The following SGMS1 variants were observed in gnomAD, a reference collection of about 807,000 sequenced individuals.
SGMS1 encodes sphingomyelin synthase 1.
A neutral mutation model predicts 46.2 loss-of-function variants in SGMS1; 13 were observed. That is an observed-to-expected ratio of 0.28 (90% confidence interval 0.18 to 0.45). The LOEUF is 0.45. Among genes scored for constraint, SGMS1 ranks in the 20% least tolerant of loss-of-function variants. The pLI is 1.00. For missense variants in SGMS1, 324 were observed against 519.9 expected (o/e 0.62, Z 3.66); for synonymous variants, 203 against 187.8 (o/e 1.08, Z -0.66).
intron 6 of SGMS1, among the ~76,000 whole-genome samples, chr10:50,367,925 G>T (rs1848373823): frequency 1.3e-5 from 2 of 152,134 alleles, no homozygotes; most frequent in African/African-American, 4.8e-5. Flanking sequence ...TCTAGTTTTG[G>T]ACTAAGGTAA....
intron 5 of SGMS1, among the ~76,000 whole-genome samples, chr10:50,456,545 A>G (rs1837193326): frequency 6.6e-6 from 1 of 152,134 alleles, no homozygotes. Flanking sequence ...GCTGTAATCA[A>G]CTTCTCAGTT....
rs543667622 is a variant in SGMS1 at position 50,371,063 on chromosome 10, T to C, written c.-231-26718A>G. Among the ~76,000 whole-genome samples the C allele has an allele frequency of 3.3e-5, 5 of 152,310 alleles. No homozygotes were observed. In the South Asian group the frequency reaches 8.3e-4, roughly 25 times the overall value. On this transcript the variant is annotated intron_variant, in intron 6 of 10. Transcript: ENST00000361781. ...ATTATCAAGTGTTATGTAAGGTACATAATTATATATGCTATGCTTTTATAC... is the reference window on the plus strand; with the variant it reads ...ATTATCAAGTGTTATGTAAGGTACACAATTATATATGCTATGCTTTTATAC...
intron 2 of SGMS1, among the ~76,000 whole-genome samples, chr10:50,568,265 A>G (rs1244304397): frequency 6.6e-6 from 1 of 152,222 alleles, no homozygotes; most frequent in African/African-American, 2.4e-5. Flanking sequence ...TTATTCTTAC[A>G]TAGCATCAAA....
intron 6 of SGMS1, among the ~76,000 whole-genome samples, chr10:50,422,646 C>T (rs1417563575): frequency 6.6e-6 from 1 of 152,188 alleles, no homozygotes; most frequent in Non-Finnish European, 1.5e-5. Flanking sequence ...CCAATTCCTC[C>T]TTAAATGTAA....
At chr10:50,583,535 A>T (rs1196035670) in intron 2 of SGMS1, among the ~76,000 whole-genome samples, 1 of 152,200 alleles carries the variant, frequency 6.6e-6, no homozygotes, top group Non-Finnish European at 1.5e-5. Flanking sequence ...CATGAGGCAC[A>T]TGACTCATCA....
intron 1 of SGMS1, 171 bp downstream of exon 1, chr10:50,623,536 G>A (rs2131953919): frequency 3.1e-6 from 3 of 974,952 alleles, no homozygotes; most frequent in Non-Finnish European, 3.7e-6. Context: ...AGCAGCTCTG[G>A]AGGACTGCCC....
chr10:50,609,521 GT>G (rs370846975), intron 1 of SGMS1, among the ~76,000 whole-genome samples: 5,144 of 116,960 alleles, frequency 0.044, 299 homozygotes, highest in African/African-American at 0.15. Context: ...CTTCTCAATA[GT>G]TTTTTTTTTT....
chr10:50,490,793 CAT>C (rs765483823), intron 3 of SGMS1, among the ~76,000 whole-genome samples: 1 of 152,152 alleles, frequency 6.6e-6, no homozygotes, highest in African/African-American at 2.4e-5. Context: ...TGACTGAACA[CAT>C]GTTAGCTATT....
intron 8 of SGMS1, among the ~76,000 whole-genome samples, chr10:50,326,733 A>C (rs779009317): frequency 1.3e-5 from 2 of 152,164 alleles, no homozygotes; most frequent in African/African-American, 2.4e-5. Flanking sequence ...GAAAATCAAT[A>C]AGGCAATATA....
chr10:50,513,380 T>C (rs1031526618), intron 3 of SGMS1, among the ~76,000 whole-genome samples: 1 of 152,092 alleles, frequency 6.6e-6, no homozygotes, highest in African/African-American at 2.4e-5. Context: ...CAAGGACCAG[T>C]TGTAGCTCCC....
chr10:50,359,403 TCA>T (rs1264852996), intron 6 of SGMS1, among the ~76,000 whole-genome samples: 6 of 152,116 alleles, frequency 3.9e-5, no homozygotes, highest in Admixed American at 2.6e-4. Flanking sequence ...CGTAGTAGCC[TCA>T]GTGTTGTAGA....
chr10:50,365,890 CAT>C (rs1165474481), intron 6 of SGMS1, among the ~76,000 whole-genome samples: 1 of 152,130 alleles, frequency 6.6e-6, no homozygotes, highest in African/African-American at 2.4e-5. Flanking sequence ...CTGCAATAAA[CAT>C]GTGTGCATGT....
Position 50,556,196 on chromosome 10 carries a change from G to A in SGMS1, c.-589+33957C>T, listed in dbSNP as rs116122463. Reference sequence around the variant, plus strand: ...TCTCCTAGCTGTTCCATACAAAACTGTAAGAGTAACCTCATTCATTCATTT... The same window carrying A: ...TCTCCTAGCTGTTCCATACAAAACTATAAGAGTAACCTCATTCATTCATTT... On this transcript the variant is annotated intron_variant, in intron 2 of 10. Coordinates refer to ENST00000361781, the MANE Select transcript of SGMS1 (RefSeq NM_147156.4). Among the ~76,000 whole-genome samples the A allele has an allele frequency of 6.3e-3, 953 of 152,274 alleles. 6 individuals carry two copies. The highest frequency in any genetic ancestry group is 0.022 in the African/African-American group (906 of 41,532).
chr10:50,623,558 G>C, intron 1 of SGMS1, 149 bp downstream of exon 1: 11 of 983,406 alleles, frequency 1.1e-5, no homozygotes, highest in Non-Finnish European at 1.3e-5. Context: ...CCAGGTACGC[G>C]CGCGGCACCG....
intron 3 of SGMS1, among the ~76,000 whole-genome samples, chr10:50,506,173 C>T (rs1030608717): frequency 1.3e-5 from 2 of 152,196 alleles, no homozygotes; most frequent in Admixed American, 1.3e-4. Flanking sequence ...CTACATTACA[C>T]ACTTATTAAA....
chr10:50,354,749 AAAAC>A (rs777921204), intron 6 of SGMS1, among the ~76,000 whole-genome samples: 47 of 152,254 alleles, frequency 3.1e-4, no homozygotes, highest in Non-Finnish European at 5.9e-4. Context: ...TTACAAGAAA[AAAAC>A]AAACAACCCC....
At position 50,587,631 on chromosome 10, in the gene SGMS1, A is replaced by ATGTGTGTGTGTGTG. The variant is rs1415958432; in HGVS notation, c.-589+2521_-589+2522insCACACACACACACA. 2.2e-3 allele frequency among the ~76,000 whole-genome samples: 264 copies of ATGTGTGTGTGTGTG among 118,696 alleles called. 4 individuals carry two copies. Among genetic ancestry groups the ATGTGTGTGTGTGTG allele is most frequent in the South Asian group, 3.8e-3 (13 of 3,378 alleles). The allele number at this position is 118,696 out of a possible 152,430, so 77.9% of individuals were successfully genotyped here. ...AGAGCAAGACTGCATCTCAAAATAT[A>ATGTGTGTGTGTGTG]TATGTGTGTGTGTGTGTGTGTGTGT... is the stretch of plus-strand genomic sequence containing the variant. On this transcript the variant is annotated intron_variant, in intron 2 of 10. Transcript: ENST00000361781.
At chr10:50,372,695 A>AAAAAAAACAAAAAAC (rs1554930409) in intron 6 of SGMS1, among the ~76,000 whole-genome samples, 19 of 150,942 alleles carry the variant, frequency 1.3e-4, no homozygotes, top group South Asian at 4.2e-4. Flanking sequence ...TCTGTCTCAA[A>AAAAAAAACAAAAAAC]AAAAAACAAA....
In SGMS1 at chr10:50,344,317, C is replaced by T; in HGVS notation, c.-203G>A. Reference sequence around the variant, plus strand: ...GTTCCTGAGCGCCCAAGTATTAATTCACCTCATTTTTGAGCAGGATTCTTC... The same window carrying T: ...GTTCCTGAGCGCCCAAGTATTAATTTACCTCATTTTTGAGCAGGATTCTTC... On this transcript the variant is annotated 5_prime_UTR_variant, in exon 7 of 11. An upstream open reading frame in the 5' UTR loses its in-frame stop. Coordinates refer to ENST00000361781, the MANE Select transcript of SGMS1 (RefSeq NM_147156.4). 1.9e-6 allele frequency: 1 copy of T among 536,246 alleles called. No homozygotes were observed. Among genetic ancestry groups the T allele is most frequent in the Admixed American group, 3.5e-5 (1 of 28,336 alleles). 33.2% of individuals were successfully genotyped at this position (536,246 alleles called of 1,614,324 possible).
Sources: gnomAD v4.1 joint callset for allele counts (sites outside exome capture counted in the v4.1 genomes callset) on GRCh38, gnomAD v4.1.1 for gene constraint, MANE v1.5 for transcripts, NCBI Gene and HGNC (gene_info 2026-07-23, HGNC 2026-07-21) for gene names.